The following PDK2 variants were observed in gnomAD, a reference collection of about 807,000 sequenced individuals.
PDK2 encodes pyruvate dehydrogenase kinase 2.
PDK2 carries 34 observed loss-of-function variants against 50.4 expected under a neutral mutation model. That is an observed-to-expected ratio of 0.68 (90% CI 0.51 to 0.90). PDK2 has a LOEUF of 0.90. Ranked by LOEUF, PDK2 falls within the 40% of genes least tolerant of loss-of-function variation. The probability of loss-of-function intolerance (pLI) is 0.00; values close to 1 mark genes in which losing one functional copy is unlikely to be tolerated. For missense variants in PDK2, 377 were observed against 544.5 expected, an observed-to-expected ratio of 0.69 and a Z score of 3.06; for synonymous variants, 232 against 216.0, an observed-to-expected ratio of 1.07 and a Z score of -0.65.
chr17:50,098,838 G>A (rs1397260675), intron 2 of PDK2: 1 of 152,298 alleles, frequency 6.6e-6, no homozygotes, highest in Non-Finnish European at 1.5e-5. Flanking sequence ...TGGACATGCA[G>A]AGGAGGTGAC....
At chr17:50,099,196 C>T (rs1910095016) in intron 2 of PDK2, among the ~76,000 whole-genome samples, 1 of 152,144 alleles carries the variant, frequency 6.6e-6, no homozygotes, top group South Asian at 2.1e-4. Flanking sequence ...CCCTGGCCCT[C>T]CTCCGGCTCT....
rs1219399081 is a variant in PDK2, at chr17:50,106,851, AC to A, written c.579del (p.Asn194ThrfsTer64). 5.0e-6 allele frequency: 8 copies of A among 1,613,858 alleles called. No individual in the cohort carries two copies. The highest frequency in any genetic ancestry group is 6.8e-6 in the Non-Finnish European group (8 of 1,179,960). On this transcript the variant is annotated frameshift_variant, in exon 5 of 11. Coordinates refer to ENST00000503176, the MANE Select transcript of PDK2 (RefSeq NM_002611.5). LOFTEE classifies it high-confidence loss of function. ...PAHPKHIGSI[D>X]PNCNVSEVVK... Reference sequence around the variant, plus strand: ...CATCCCAAACACATCGGCAGCATCGACCCCAACTGCAACGTCTCTGAGGTGG... The same window carrying A: ...CATCCCAAACACATCGGCAGCATCGACCCAACTGCAACGTCTCTGAGGTGG...
Position 50,109,897 on chromosome 17 carries a change from T to G in PDK2, c.1084-60T>G. 1 of 1,406,638 alleles carries G rather than the reference T, an allele frequency of 7.1e-7. No individual in the cohort carries two copies. Among genetic ancestry groups the G allele is most frequent in the Non-Finnish European group, 9.4e-7 (1 of 1,067,380 alleles). The allele number at this position is 1,406,638 out of a possible 1,614,324, so 87.1% of individuals were successfully genotyped here. On this transcript the variant is annotated intron_variant, in intron 10 of 10. Coordinates refer to ENST00000503176, the MANE Select transcript of PDK2 (RefSeq NM_002611.5). The surrounding 1 kb of genome is among the most constrained non-coding windows in gnomAD (Gnocchi z 5.0). ...CTGCCGCTGAGCTGGGGTGGGGTGG[T>G]CTGCTGAGGAGTGGACAAGGCACAG...
chr17:50,105,478 T>C (rs766431765), intron 3 of PDK2, 36 bp downstream of exon 3: 1 of 1,584,664 alleles, frequency 6.3e-7, no homozygotes, highest in Non-Finnish European at 8.6e-7. Context: ...GGAAGGCAGG[T>C]GTTGGCCAGG....
In PDK2 at chr17:50,105,770, C is replaced by CT. The variant is rs1884168706; in HGVS notation, c.333-114dup. On this transcript the variant is annotated intron_variant, in intron 3 of 10. Coordinates refer to ENST00000503176, the MANE Select transcript of PDK2 (RefSeq NM_002611.5). ...GGCTTTGGGAGGAGCAGGGAGGGCACTGGGAGTCCATCGGATTGGGAAGGG... is the reference window on the plus strand; with the variant it reads ...GGCTTTGGGAGGAGCAGGGAGGGCACTTGGGAGTCCATCGGATTGGGAAGGG... 35 of 1,386,748 alleles carry CT rather than the reference C, an allele frequency of 2.5e-5. No homozygotes were observed. The South Asian group carries it at 4.4e-4, about 18-fold the overall frequency. The allele number at this position is 1,386,748 out of a possible 1,614,324, so 85.9% of individuals were successfully genotyped here.
rs1156726565 is a variant in PDK2, at chr17:50,095,352, G to A, written c.-84G>A. Reference sequence around the variant, plus strand: ...CCGCCAGGGCAAGGGTAGGGAGGAGGCGGCCGAACCGCGTCGCTGGGCCGA... The same window carrying A: ...CCGCCAGGGCAAGGGTAGGGAGGAGACGGCCGAACCGCGTCGCTGGGCCGA... On this transcript the variant is annotated 5_prime_UTR_variant, in exon 1 of 11. Coordinates refer to ENST00000503176, the MANE Select transcript of PDK2 (RefSeq NM_002611.5). 1.6e-4 allele frequency: 150 copies of A among 955,340 alleles called. No individual in the cohort carries two copies. The South Asian group carries it at 2.2e-3, about 14-fold the overall frequency. 59.2% of individuals were successfully genotyped at this position (955,340 alleles called of 1,614,324 possible). A position where few individuals can be genotyped will look rare whatever the true frequency, so the allele number is the denominator to read the frequency against.
rs1172729749 is a variant in PDK2 at position 50,108,729 on chromosome 17, C to G, written c.969+10C>G. 6 of 1,559,322 alleles carry G rather than the reference C, an allele frequency of 3.8e-6. No individual in the cohort carries two copies. Among genetic ancestry groups the G allele is most frequent in the Non-Finnish European group, 5.3e-6 (6 of 1,136,292 alleles). On this transcript the variant is annotated intron_variant, in intron 9 of 10. Coordinates refer to ENST00000503176, the MANE Select transcript of PDK2 (RefSeq NM_002611.5). ...CGGGGGAACGCCGCTGGTGAGATGG[C>G]TTCACCCCAGCCCCTCCCACCTCCT...
intron 4 of PDK2, chr17:50,106,509 A>G: frequency 1.9e-6 from 1 of 514,920 alleles, no homozygotes; most frequent in Non-Finnish European, 3.4e-6. Context: ...AGAATGTTAT[A>G]GTCAAAGAAA....
intron 1 of PDK2, among the ~76,000 whole-genome samples, chr17:50,096,906 C>T (rs1909979258): frequency 6.6e-6 from 1 of 152,220 alleles, no homozygotes; most frequent in South Asian, 2.1e-4. Context: ...CCCGTTTGCC[C>T]CATGGATGGG....
At chr17:50,100,653 G>A (rs755855568) in intron 2 of PDK2, 4 of 152,224 alleles carry the variant, frequency 2.6e-5, no homozygotes, top group Non-Finnish European at 4.4e-5. Context: ...AAGGCTGGCT[G>A]TGTCCCAGGA....
chr17:50,106,754 C>A, intron 4 of PDK2, 40 bp from the exon 5 acceptor site: 1 of 1,536,164 alleles, frequency 6.5e-7, no homozygotes, highest in Non-Finnish European at 9.0e-7. Flanking sequence ...CTGGGACAGA[C>A]TGCAGCCCAG....
At position 50,108,703 on chromosome 17, in the gene PDK2, C is replaced by T. The variant is rs779847292; in HGVS notation, c.953C>T (p.Thr318Ile). 3.1e-6 allele frequency: 5 copies of T among 1,611,562 alleles called. No homozygotes were observed. The highest frequency in any genetic ancestry group is 4.2e-6 in the Non-Finnish European group (5 of 1,178,628). The change falls in exon 9 of 11, where the codon ACC (threonine) becomes ATC (isoleucine). Residue 318 changes from threonine (T) to isoleucine (I), a missense_variant. Transcript: ENST00000503176. Reference protein sequence around the residue: ...YSTAPTPQPGTGGTPLAGFGY... With the variant: ...YSTAPTPQPGIGGTPLAGFGY... ...ACAGCACCCACCCCCCAGCCTGGCA[C>T]CGGGGGAACGCCGCTGGTGAGATGG...
rs774536949 is a variant in PDK2, at chr17:50,108,736, C to T, written c.969+17C>T. 1 of 1,465,848 alleles carries T rather than the reference C, an allele frequency of 6.8e-7. No homozygotes were observed. Among genetic ancestry groups the T allele is most frequent in the South Asian group, 1.2e-5 (1 of 85,396 alleles). The allele number at this position is 1,465,848 out of a possible 1,614,324, so 90.8% of individuals were successfully genotyped here. ...ACGCCGCTGGTGAGATGGCTTCACC[C>T]CAGCCCCTCCCACCTCCTGAGGGAG... On this transcript the variant is annotated intron_variant, in intron 9 of 10. Transcript: ENST00000503176.
chr17:50,096,929 G>A (rs1015609324), intron 1 of PDK2, among the ~76,000 whole-genome samples: 2 of 152,244 alleles, frequency 1.3e-5, no homozygotes, highest in African/African-American at 4.8e-5. Flanking sequence ...TTAAGACACA[G>A]CAGCCCCACA....
chr17:50,097,384 GTCTGTGGC>G (rs745826536), intron 1 of PDK2, 31 bp from the exon 2 acceptor site: 20 of 1,608,650 alleles, frequency 1.2e-5, no homozygotes, highest in African/African-American at 2.7e-5. Flanking sequence ...GGCTTTCATA[GTCTGTGGC>G]TCTGTGGCTC....
chr17:50,103,590 C>A (rs1910344011), intron 2 of PDK2, among the ~76,000 whole-genome samples: 2 of 152,078 alleles, frequency 1.3e-5, no homozygotes, highest in Admixed American at 1.3e-4. Flanking sequence ...AAACTCAGGC[C>A]CAGAGAGGTT....
In PDK2 at chr17:50,105,455, C is replaced by G; in HGVS notation, c.332+13C>G. 5.6e-6 allele frequency: 9 copies of G among 1,611,494 alleles called. No individual in the cohort carries two copies. Among genetic ancestry groups the G allele is most frequent in the Non-Finnish European group, 7.6e-6 (9 of 1,178,480 alleles). ...GCACCCTGAGCCAGTGAGTGGGGGC[C>G]CTGGGTGGGGCAGGAAGGCAGGTGT... On this transcript the variant is annotated intron_variant, in intron 3 of 10. Transcript: ENST00000503176.
At chr17:50,095,969 G>A in intron 1 of PDK2, 1 of 505,124 alleles carries the variant, frequency 2.0e-6, no homozygotes, top group Non-Finnish European at 2.6e-6. Flanking sequence ...GAGGAGGCAG[G>A]GTTTAGAGGT....
intron 2 of PDK2, among the ~76,000 whole-genome samples, chr17:50,103,697 C>T (rs1307032372): frequency 3.9e-5 from 6 of 152,136 alleles, no homozygotes; most frequent in Non-Finnish European, 5.9e-5. Flanking sequence ...CAGGCAAGAG[C>T]GAGAAGAGCA....
Sources: gnomAD v4.1 joint callset for allele counts (sites outside exome capture counted in the v4.1 genomes callset) on GRCh38, gnomAD v4.1.1 for gene constraint, Gnocchi (gnomAD v3.1) non-coding constraint, MANE v1.5 for transcripts, NCBI Gene and HGNC (gene_info 2026-07-23, HGNC 2026-07-21) for gene names.